Variants in WNK2 observed in about 807,000 individuals in gnomAD.
The protein encoded by WNK2 is serine/threonine-protein kinase WNK2.
Under a neutral mutation model 192.1 loss-of-function variants are expected in WNK2, and 67 were observed. The ratio of observed to expected loss-of-function variants is 0.35; its 90% CI spans 0.29 to 0.43. The LOEUF (loss-of-function observed/expected upper bound fraction) is 0.43. Among genes scored for constraint, WNK2 ranks in the 20% least tolerant of loss-of-function variants. The pLI, the probability that WNK2 is intolerant of heterozygous loss-of-function variation, is 1.00. For synonymous variants in WNK2, 1,439 were observed against 1,393.9 expected (o/e 1.03, Z -0.72); for missense variants, 2,698 against 3,089.7 (o/e 0.87, Z 3.01).
chr9:93,311,745 G>A (rs1488485640), intron 28 of WNK2, among the ~76,000 whole-genome samples: 2 of 152,044 alleles, frequency 1.3e-5, no homozygotes, highest in African/African-American at 2.4e-5. Context: ...CCTGCCTCCC[G>A]AGTAGCTGGG....
At position 93,262,218 on chromosome 9, in the gene WNK2, G is replaced by T. The variant is rs192687906; in HGVS notation, c.3360+111G>T. ...AGAGGTCGGGGTTGCTTAGCTCTGGGACAGCCACCCAGGTTCTGTTCTCAC... is the reference window on the plus strand; with the variant it reads ...AGAGGTCGGGGTTGCTTAGCTCTGGTACAGCCACCCAGGTTCTGTTCTCAC... On this transcript the variant is annotated intron_variant, in intron 13 of 29. Transcript: ENST00000427277. 672 of 1,319,980 alleles carry T rather than the reference G, an allele frequency of 5.1e-4. 1 individual carries two copies. Among genetic ancestry groups the T allele is most frequent in the Non-Finnish European group, 6.3e-4 (619 of 986,796 alleles). The allele number at this position is 1,319,980 out of a possible 1,614,324, so 81.8% of individuals were successfully genotyped here.
intron 19 of WNK2, among the ~76,000 whole-genome samples, chr9:93,273,795 T>A (rs189834215): frequency 6.6e-6 from 1 of 152,348 alleles, no homozygotes; most frequent in East Asian, 1.9e-4. Flanking sequence ...TGAAATTATG[T>A]CAAGTATGTT....
In WNK2 at chr9:93,239,850, C is replaced by A; in HGVS notation, c.1416C>A (p.Ser472=). 6.3e-7 allele frequency: 1 copy of A among 1,599,386 alleles called. No individual in the cohort carries two copies. Among genetic ancestry groups the A allele is most frequent in the Non-Finnish European group, 8.5e-7 (1 of 1,173,488 alleles). ...ELAEEDHGRK[S]TIALRLWVED... is the part of the protein sequence containing the mutation. ...CGGAGGAGGACCACGGCAGGAAGTCCACCATCGCCCTGAGGCTCTGGGTGG... is the reference window on the plus strand; with the variant it reads ...CGGAGGAGGACCACGGCAGGAAGTCAACCATCGCCCTGAGGCTCTGGGTGG... The change falls in exon 7 of 30, where the codon TCC becomes TCA. Residue 472 remains serine, a synonymous_variant. Transcript: ENST00000427277. This position sits in a 1 kb window ranked among gnomAD's most constrained non-coding sequence, Gnocchi z 4.2.
At chr9:93,232,249 A>C (rs1838937991) in intron 4 of WNK2, among the ~76,000 whole-genome samples, 1 of 152,168 alleles carries the variant, frequency 6.6e-6, no homozygotes, top group Non-Finnish European at 1.5e-5. Context: ...TCAGAATGTG[A>C]CATCTGGGGC....
At chr9:93,211,294 TCAG>T (rs371546379) in intron 2 of WNK2, among the ~76,000 whole-genome samples, 7 of 142,968 alleles carry the variant, frequency 4.9e-5, no homozygotes, top group African/African-American at 5.2e-5. Context: ...ACTCATACAC[TCAG>T]TCACTCATTC....
chr9:93,259,136 A>AC lies in WNK2; in HGVS notation c.2594dup (p.Gly866TrpfsTer58), dbSNP rs1171775379. 6.4e-7 allele frequency: 1 copy of AC among 1,570,184 alleles called. No homozygotes were observed. Among genetic ancestry groups the AC allele is most frequent in the Non-Finnish European group, 8.6e-7 (1 of 1,160,722 alleles). On this transcript the variant is annotated frameshift_variant, in exon 12 of 30. Transcript: ENST00000427277. LOFTEE classifies it high-confidence loss of function. This position sits in a 1 kb window ranked among gnomAD's most constrained non-coding sequence, Gnocchi z 4.8. ...CCTCTGCAGGCTGTGAAGCTGCCCCACCCCCCTGGGGCGCCCCTGGCCATG... is the reference window on the plus strand; with the variant it reads ...CCTCTGCAGGCTGTGAAGCTGCCCCACCCCCCCTGGGGCGCCCCTGGCCATG...
chr9:93,316,266 C>T (rs1160084190), intron 28 of WNK2: 1 of 152,162 alleles, frequency 6.6e-6, no homozygotes, highest in Non-Finnish European at 1.5e-5. Flanking sequence ...TGATTTTTTT[C>T]AGGTCGTTAA....
Position 93,247,086 on chromosome 9 carries a change from CTT to C in WNK2, c.1543-456_1543-455del, listed in dbSNP as rs1841845081. On this transcript the variant is annotated intron_variant, in intron 7 of 29. Transcript: ENST00000427277. This position sits in a 1 kb window ranked among gnomAD's most constrained non-coding sequence, Gnocchi z 5.2. ...GGTCCCTAATTACAAAACGCATGTC[CTT>C]CCTCCATCTGCAACTCGGGTGTGGC... Among the ~76,000 whole-genome samples, 1 of 152,238 alleles carries C rather than the reference CTT, an allele frequency of 6.6e-6. No individual in the cohort carries two copies. The highest frequency in any genetic ancestry group is 6.5e-5 in the Admixed American group (1 of 15,286).
intron 2 of WNK2, among the ~76,000 whole-genome samples, chr9:93,219,617 T>C (rs894962345): frequency 4.6e-5 from 7 of 152,218 alleles, no homozygotes; most frequent in Non-Finnish European, 8.8e-5. Flanking sequence ...CTCAGGGTAG[T>C]GTGGGCCGAG....
Position 93,263,682 on chromosome 9 carries a change from G to A in WNK2, c.3527G>A (p.Arg1176His), listed in dbSNP as rs1445410798. The A allele has an allele frequency of 1.3e-6, 2 of 1,573,266 alleles. No homozygotes were observed. Among genetic ancestry groups the A allele is most frequent in the Non-Finnish European group, 1.7e-6 (2 of 1,165,340 alleles). ...CGAAAACACCACCGCAGGTCCACGC[G>A]TGCGCGCTCCCGGCAGGAGAGGGCC... The part of the protein sequence containing the change: ...AARKHHRRST[R>H]ARSRQERASR... Residue 1176 changes from arginine (R) to histidine (H), a missense_variant, in exon 15 of 30, where the codon CGT (arginine) becomes CAT (histidine). By Grantham distance (29) the Arg-to-His change is conservative. Coordinates refer to ENST00000427277, the MANE Select transcript of WNK2 (RefSeq NM_006648.4).
In WNK2 at chr9:93,289,282, G is replaced by T. The variant is rs1259189467; in HGVS notation, c.4528G>T (p.Ala1510Ser). Reference sequence around the variant, plus strand: ...TGCCGCAGTGGGGGCCGTCAGCCTGGCCACCTCCCAGCTCCCAAGCCCACC... The same window carrying T: ...TGCCGCAGTGGGGGCCGTCAGCCTGTCCACCTCCCAGCTCCCAAGCCCACC... ...LPAAVGAVSL[A>S]TSQLPSPPLG... Residue 1510 changes from alanine (A) to serine (S), a missense_variant, in exon 20 of 30, where the codon GCC becomes TCC. Transcript: ENST00000427277. 6.3e-6 allele frequency: 10 copies of T among 1,599,678 alleles called. No individual in the cohort carries two copies. In the South Asian group the frequency reaches 1.1e-4, roughly 18 times the overall value.
At chr9:93,222,135 C>G (rs1837024489) in intron 2 of WNK2, among the ~76,000 whole-genome samples, 1 of 152,070 alleles carries the variant, frequency 6.6e-6, no homozygotes, top group Non-Finnish European at 1.5e-5. Context: ...GAGAGTAAAG[C>G]TCACTTGGCA....
At chr9:93,262,518 G>T (rs41278266) in intron 13 of WNK2, among the ~76,000 whole-genome samples, 152 bp from the exon 14 acceptor site, 1 of 152,252 alleles carries the variant, frequency 6.6e-6, no homozygotes, top group Non-Finnish European at 1.5e-5. Context: ...CCCCTGGGTC[G>T]TACCCACCTG....
At chr9:93,235,455 T>C (rs115947100) in intron 5 of WNK2, among the ~76,000 whole-genome samples, 3,774 of 152,374 alleles carry the variant, frequency 0.025, 153 homozygotes, top group African/African-American at 0.087. Context: ...TAGGCAGTCG[T>C]CAGCGCCAGG....
intron 7 of WNK2, among the ~76,000 whole-genome samples, chr9:93,244,614 C>A (rs541661758): frequency 2.0e-5 from 3 of 152,176 alleles, no homozygotes; most frequent in Non-Finnish European, 4.4e-5. Flanking sequence ...GGTCACGTAT[C>A]TGGGCCGAGG....
intron 27 of WNK2, chr9:93,308,007 C>G (rs564963230): frequency 1.8e-4 from 70 of 386,278 alleles, no homozygotes; most frequent in African/African-American, 1.3e-3. Context: ...CCTGAGCTCT[C>G]TCACACGTGA....
intron 19 of WNK2, among the ~76,000 whole-genome samples, chr9:93,274,398 G>T (rs1278571765): frequency 6.6e-6 from 1 of 151,970 alleles, no homozygotes; most frequent in African/African-American, 2.4e-5. Flanking sequence ...TGTAGTCCCA[G>T]CTACTCAGGA....
At chr9:93,261,688 G>C in intron 12 of WNK2, 126 bp from the exon 13 acceptor site, 1 of 1,109,582 alleles carries the variant, frequency 9.0e-7, no homozygotes, top group Non-Finnish European at 1.3e-6. Context: ...ACTCCCCTTG[G>C]GGAGGGTGTG....
intron 2 of WNK2, among the ~76,000 whole-genome samples, chr9:93,221,595 T>C (rs1247368399): frequency 6.6e-6 from 1 of 152,224 alleles, no homozygotes; most frequent in African/African-American, 2.4e-5. Context: ...CGGAGGCACT[T>C]TCAACAAAAT....
Sources: allele counts gnomAD v4.1 joint callset (sites outside exome capture counted in the v4.1 genomes callset), GRCh38; gene constraint gnomAD v4.1.1; non-coding constraint Gnocchi (gnomAD v3.1); transcripts MANE v1.5; gene names NCBI Gene and HGNC (gene_info 2026-07-23, HGNC 2026-07-21).